NFAT5: variants seen among roughly 807,000 people sequenced by gnomAD.
The protein encoded by NFAT5 is nuclear factor of activated T-cells 5.
NFAT5 carries 31 observed loss-of-function variants against 166.5 expected under a neutral mutation model. That is an observed-to-expected ratio of 0.19 (90% CI 0.14 to 0.25). The LOEUF (loss-of-function observed/expected upper bound fraction) is 0.25, where lower values mean the gene tolerates loss of function less well. NFAT5 is among the 10% of genes least tolerant of loss of function. NFAT5 has a pLI of 1.00. For missense variants in NFAT5, 1,449 were observed against 1,821.8 expected (o/e 0.80, Z 3.72); for synonymous variants, 612 against 639.7 (o/e 0.96, Z 0.65).
intron 2 of NFAT5, among the ~76,000 whole-genome samples, chr16:69,615,787 C>T (rs552527618): frequency 1.3e-5 from 2 of 152,218 alleles, no homozygotes; most frequent in African/African-American, 4.8e-5. Context: ...GATCAATCTC[C>T]TGTTGTAACC....
At chr16:69,629,330 T>G (rs906803567) in intron 3 of NFAT5, among the ~76,000 whole-genome samples, 11 of 152,186 alleles carry the variant, frequency 7.2e-5, no homozygotes, top group African/African-American at 2.4e-4. Context: ...GTTTCTCAGA[T>G]TCACCAATTT....
At chr16:69,659,118 G>A (rs1211033121) in intron 6 of NFAT5, among the ~76,000 whole-genome samples, 2 of 149,940 alleles carry the variant, frequency 1.3e-5, no homozygotes, top group African/African-American at 2.5e-5. Context: ...GAGACTAAAT[G>A]TATTTTTTTA....
At chr16:69,610,679 C>T (rs1037418433) in intron 2 of NFAT5, among the ~76,000 whole-genome samples, 2 of 152,206 alleles carry the variant, frequency 1.3e-5, no homozygotes, top group Non-Finnish European at 1.5e-5. Context: ...CTAATTGGAA[C>T]ATAATTTCTT....
chr16:69,574,288 A>G (rs1020860384), intron 2 of NFAT5, among the ~76,000 whole-genome samples: 16 of 152,334 alleles, frequency 1.1e-4, no homozygotes, highest in African/African-American at 3.6e-4. Context: ...AGACCTTTTA[A>G]CTTTAGAGAG....
At chr16:69,674,509 G>C (rs561950441) in intron 9 of NFAT5, among the ~76,000 whole-genome samples, 1 of 151,794 alleles carries the variant, frequency 6.6e-6, no homozygotes, top group Non-Finnish European at 1.5e-5. Context: ...TACATAAAAG[G>C]ATAGCTCAGG....
intron 13 of NFAT5, among the ~76,000 whole-genome samples, chr16:69,694,553 C>T (rs1223034727): frequency 6.6e-6 from 1 of 152,176 alleles, no homozygotes; most frequent in African/African-American, 2.4e-5. Context: ...CCACACCTGT[C>T]CTGTATAGTT....
intron 2 of NFAT5, among the ~76,000 whole-genome samples, chr16:69,608,867 A>T (rs565751631): frequency 2.2e-4 from 34 of 151,178 alleles, no homozygotes; most frequent in African/African-American, 8.0e-4. Context: ...CACGCCTGTA[A>T]TTCCAGCACT....
intron 2 of NFAT5, among the ~76,000 whole-genome samples, chr16:69,606,853 G>GAAC (rs919413842): frequency 6.6e-6 from 1 of 151,958 alleles, no homozygotes; most frequent in Non-Finnish European, 1.5e-5. Flanking sequence ...GACTGTCTCA[G>GAAC]AACAACAACA....
At chr16:69,634,402 T>C (rs1422263356) in intron 3 of NFAT5, among the ~76,000 whole-genome samples, 3 of 152,114 alleles carry the variant, frequency 2.0e-5, no homozygotes, top group Non-Finnish European at 4.4e-5. Flanking sequence ...AATGACTATA[T>C]GAATAAAAGT....
intron 2 of NFAT5, among the ~76,000 whole-genome samples, chr16:69,575,931 G>C (rs973125195): frequency 6.6e-6 from 1 of 151,956 alleles, no homozygotes; most frequent in Non-Finnish European, 1.5e-5. Context: ...CACATATCTC[G>C]TGGATGAGGC....
intron 2 of NFAT5, among the ~76,000 whole-genome samples, chr16:69,603,060 T>C (rs959010830): frequency 7.9e-5 from 12 of 152,174 alleles, no homozygotes; most frequent in African/African-American, 2.9e-4. Context: ...GTATGTTACA[T>C]TTTTTAAAGA....
intron 3 of NFAT5, among the ~76,000 whole-genome samples, chr16:69,633,642 TA>T (rs548621469): frequency 2.9e-4 from 44 of 152,122 alleles, no homozygotes; most frequent in Admixed American, 8.5e-4. Flanking sequence ...CTCATAGAAG[TA>T]AAAAGTAAGA....
chr16:69,694,465 G>A (rs1377835195), intron 13 of NFAT5, among the ~76,000 whole-genome samples: 1 of 152,104 alleles, frequency 6.6e-6, no homozygotes, highest in African/African-American at 2.4e-5. Flanking sequence ...ATGTTGGCCA[G>A]GCTGGTGTTG....
At chr16:69,643,184 C>T (rs1467819923) in intron 3 of NFAT5, among the ~76,000 whole-genome samples, 1 of 148,810 alleles carries the variant, frequency 6.7e-6, no homozygotes, top group African/African-American at 2.5e-5. Flanking sequence ...CGCCACTGCA[C>T]TCCAGCCTGG....
intron 4 of NFAT5, among the ~76,000 whole-genome samples, chr16:69,652,948 C>T (rs780547026): frequency 1.3e-5 from 2 of 150,860 alleles, no homozygotes; most frequent in East Asian, 1.9e-4. Context: ...CAGTTTATTG[C>T]GCTCAATCTT....
In NFAT5 at chr16:69,566,337, C is replaced by G. The variant is rs2016030506; in HGVS notation, c.36C>G (p.Asp12Glu). 1 of 1,608,968 alleles carries G rather than the reference C, an allele frequency of 6.2e-7. No homozygotes were observed. The highest frequency in any genetic ancestry group is 1.7e-5 in the Admixed American group (1 of 59,638). The stretch of plus-strand genomic sequence containing the variant: ...ACTTCATCTCATTGCTCAGCGCGGA[C>G]CTAGACCTGGAATCGCCCAAGTCCC... Reference protein sequence around the residue: ...PSDFISLLSADLDLESPKSLY... With the variant: ...PSDFISLLSAELDLESPKSLY... The change falls in exon 1 of 15, where the codon GAC becomes GAG. Residue 12 changes from aspartate to glutamate, a missense_variant. By Grantham distance (45) the Asp-to-Glu change is conservative. Transcript: ENST00000349945. This position sits in a 1 kb window ranked among gnomAD's most constrained non-coding sequence, Gnocchi z 5.7.
chr16:69,626,699 T>C (rs978608868), intron 3 of NFAT5, among the ~76,000 whole-genome samples, 171 bp downstream of exon 3: 2 of 152,378 alleles, frequency 1.3e-5, no homozygotes, highest in South Asian at 4.1e-4. Context: ...ATTTTCTTAA[T>C]GTAATTCTTA....
intron 3 of NFAT5, among the ~76,000 whole-genome samples, chr16:69,628,842 GC>G (rs1280091857): frequency 1.3e-5 from 2 of 152,148 alleles, no homozygotes; most frequent in Non-Finnish European, 2.9e-5. Context: ...AGAGGCCCAG[GC>G]CGGCAGATCA....
intron 2 of NFAT5, among the ~76,000 whole-genome samples, chr16:69,617,879 G>T (rs896845644): frequency 6.6e-6 from 1 of 152,042 alleles, no homozygotes; most frequent in Non-Finnish European, 1.5e-5. Flanking sequence ...GTGGAAGGCC[G>T]GGCACGGTGG....
Sources: gnomAD v4.1 joint callset for allele counts (sites outside exome capture counted in the v4.1 genomes callset) on GRCh38, gnomAD v4.1.1 for gene constraint, Gnocchi (gnomAD v3.1) non-coding constraint, MANE v1.5 for transcripts, NCBI Gene and HGNC (gene_info 2026-07-23, HGNC 2026-07-21) for gene names.